Variants in CPNE4 observed in about 807,000 individuals in gnomAD.
CPNE4 encodes the protein copine 4.
In CPNE4, 25 loss-of-function variants were observed where a neutral mutation model predicts 67.9. The ratio of observed to expected loss-of-function variants is 0.37; its 90% CI spans 0.27 to 0.51. The LOEUF is 0.51. Among genes scored for constraint, CPNE4 ranks in the 20% least tolerant of loss-of-function variants. CPNE4 has a pLI of 0.93. For synonymous variants in CPNE4, 242 were observed against 244.9 expected (o/e 0.99, Z 0.11); for missense variants, 464 against 690.8 (o/e 0.67, Z 3.68).
chr3:131,757,977 C>T (rs1295149885), intron 2 of CPNE4, among the ~76,000 whole-genome samples: 2 of 152,208 alleles, frequency 1.3e-5, no homozygotes, highest in African/African-American at 2.4e-5. Context: ...GCCTAGATTT[C>T]AGAAGATGTA....
chr3:131,721,623 C>T (rs2081891027), intron 3 of CPNE4, among the ~76,000 whole-genome samples: 1 of 152,112 alleles, frequency 6.6e-6, no homozygotes, highest in African/African-American at 2.4e-5. Context: ...TCTCGATCTC[C>T]TGGCCTCGTG....
intron 1 of CPNE4, among the ~76,000 whole-genome samples, chr3:131,933,086 A>G (rs914814482): frequency 9.2e-5 from 14 of 152,300 alleles, no homozygotes; most frequent in Admixed American, 7.2e-4. Context: ...GTGAAGCTTG[A>G]GAGGTAGCCA....
chr3:131,672,598 C>A (rs1418557840), intron 6 of CPNE4, among the ~76,000 whole-genome samples: 3 of 151,948 alleles, frequency 2.0e-5, no homozygotes, highest in Non-Finnish European at 4.4e-5. Context: ...ATGTTGAGCA[C>A]CTTTTCACAT....
At chr3:131,818,294 G>T (rs1204392269) in intron 2 of CPNE4, among the ~76,000 whole-genome samples, 2 of 152,184 alleles carry the variant, frequency 1.3e-5, no homozygotes, top group Non-Finnish European at 2.9e-5. Context: ...GGGAAAAATA[G>T]AAGCTTCACA....
intron 2 of CPNE4, among the ~76,000 whole-genome samples, chr3:131,781,588 G>A (rs1030244946): frequency 2.6e-5 from 4 of 152,062 alleles, no homozygotes; most frequent in East Asian, 1.9e-4. Flanking sequence ...ATATGTAGAC[G>A]AGTTCAAACT....
chr3:131,779,109 C>T (rs1443640960), intron 2 of CPNE4, among the ~76,000 whole-genome samples: 1 of 151,860 alleles, frequency 6.6e-6, no homozygotes, highest in Non-Finnish European at 1.5e-5. Context: ...GAATAAAATA[C>T]CTAGGAATAC....
At chr3:131,913,780 AT>A (rs1329484529) in intron 1 of CPNE4, among the ~76,000 whole-genome samples, 2 of 152,078 alleles carry the variant, frequency 1.3e-5, no homozygotes, top group Non-Finnish European at 2.9e-5. Flanking sequence ...CATTAACACT[AT>A]TTACTTGTTG....
At chr3:132,013,582 T>A (rs1250843454) in intron 1 of CPNE4, among the ~76,000 whole-genome samples, 1 of 152,228 alleles carries the variant, frequency 6.6e-6, no homozygotes, top group Non-Finnish European at 1.5e-5. Context: ...TAGACCATAA[T>A]TCCTCCAAAG....
intron 1 of CPNE4, among the ~76,000 whole-genome samples, chr3:131,995,008 G>A (rs1159150755): frequency 2.0e-5 from 3 of 152,064 alleles, no homozygotes; most frequent in Admixed American, 1.3e-4. Context: ...GTAACATAAA[G>A]GGTCTTGTTG....
chr3:131,963,895 T>C (rs9813613), intron 1 of CPNE4, among the ~76,000 whole-genome samples: 54,697 of 152,062 alleles, frequency 0.36, 10,292 homozygotes, highest in Non-Finnish European at 0.42. Flanking sequence ...ACTGCCTCCT[T>C]AAGTGGGTCC....
intron 2 of CPNE4, among the ~76,000 whole-genome samples, chr3:131,727,570 C>T (rs911055536): frequency 6.6e-6 from 1 of 152,106 alleles, no homozygotes; most frequent in African/African-American, 2.4e-5. Flanking sequence ...TTAAAAAAAA[C>T]AGCATTATTG....
chr3:132,020,823 A>G (rs2073980379), intron 1 of CPNE4, among the ~76,000 whole-genome samples: 1 of 152,224 alleles, frequency 6.6e-6, no homozygotes, highest in Non-Finnish European at 1.5e-5. Context: ...CAGCTGGAAC[A>G]TGCCCAAAAT....
intron 1 of CPNE4, among the ~76,000 whole-genome samples, chr3:132,001,553 G>GAGAA (rs763509045): frequency 0.21 from 21,712 of 101,202 alleles, 2,687 homozygotes; most frequent in East Asian, 0.26. Flanking sequence ...AAAGAAAAAA[G>GAGAA]AGAAAGAAAG....
In CPNE4 at chr3:131,862,741, G is replaced by C. The variant is rs2086742530; in HGVS notation, c.180+42523C>G. On this transcript the variant is annotated intron_variant, in intron 2 of 15. Transcript: ENST00000429747. ...TTTTTATTATACTTGAAGTTTTAAG[G>C]TACATGTACACAACGTGCAGGTTTG... Among the ~76,000 whole-genome samples the C allele has an allele frequency of 2.6e-5, 4 of 151,104 alleles. No homozygotes were observed. The South Asian group carries it at 8.4e-4, about 32-fold the overall frequency.
At chr3:131,944,949 A>C (rs1413521467) in intron 1 of CPNE4, among the ~76,000 whole-genome samples, 1 of 152,154 alleles carries the variant, frequency 6.6e-6, no homozygotes, top group Non-Finnish European at 1.5e-5. Context: ...GCTTTATAGA[A>C]TATAGAGTGT....
chr3:131,607,213 C>G (rs929869295), intron 7 of CPNE4, among the ~76,000 whole-genome samples: 1 of 151,406 alleles, frequency 6.6e-6, no homozygotes, highest in African/African-American at 2.4e-5. Flanking sequence ...TTCCTTCCAC[C>G]GAGATGGAGT....
intron 2 of CPNE4, among the ~76,000 whole-genome samples, chr3:131,807,040 T>C (rs893723956): frequency 1.3e-5 from 2 of 152,212 alleles, no homozygotes; most frequent in East Asian, 1.9e-4. Flanking sequence ...ACAAGGGACC[T>C]GCATTTGTGT....
chr3:132,039,126 T>C (rs1423978397), upstream of CPNE4, among the ~76,000 whole-genome samples: 1 of 152,230 alleles, frequency 6.6e-6, no homozygotes, highest in African/African-American at 2.4e-5. Context: ...TATAGAACAT[T>C]TCTATCATTG....
At chr3:131,874,938 T>C (rs1224078047) in intron 2 of CPNE4, among the ~76,000 whole-genome samples, 1 of 152,208 alleles carries the variant, frequency 6.6e-6, no homozygotes, top group Non-Finnish European at 1.5e-5. Flanking sequence ...ATGTAAGATC[T>C]CTACACTGAC....
Sources: gnomAD v4.1 joint callset for allele counts (sites outside exome capture counted in the v4.1 genomes callset) on GRCh38, gnomAD v4.1.1 for gene constraint, MANE v1.5 for transcripts, NCBI Gene and HGNC (gene_info 2026-07-23, HGNC 2026-07-21) for gene names.